The following A1BG variants were observed in gnomAD, a reference collection of about 807,000 sequenced individuals.
A1BG encodes the protein alpha-1-B glycoprotein.
Under a neutral mutation model 46.0 loss-of-function variants are expected in A1BG, and 44 were observed. The ratio of observed to expected loss-of-function variants is 0.96; its 90% CI spans 0.75 to 1.23. A1BG has a LOEUF of 1.23. Ranked by LOEUF, A1BG falls within the 50% of genes most tolerant of loss-of-function variation. The probability of loss-of-function intolerance (pLI) is 0.00; values close to 1 mark genes in which losing one functional copy is unlikely to be tolerated. For synonymous variants in A1BG, 316 were observed against 314.7 expected (o/e 1.00, Z -0.04); for missense variants, 707 against 688.8 (o/e 1.03, Z -0.30).
chr19:58,350,006 C>T (rs1315996867), intron 6 of A1BG: 5 of 217,686 alleles, frequency 2.3e-5, no homozygotes, highest in Admixed American at 1.7e-4. Context: ...ACACATCAGC[C>T]GTGCGCCTGC....
At chr19:58,350,859 T>G (rs932998486) in intron 5 of A1BG, 14 of 479,840 alleles carry the variant, frequency 2.9e-5, no homozygotes, top group Admixed American at 7.9e-5. Context: ...TCTTAGTAAT[T>G]TGTTTGTCTA....
In A1BG at chr19:58,345,241, C is replaced by CTA. The variant is rs745650668; in HGVS notation, c.*1779_*1780dup. Reference sequence around the variant, plus strand: ...ATAAACAGACATTTCATCAAAGATGCTATATAGATGGCAACTAAGCACTTG... The same window carrying CTA: ...ATAAACAGACATTTCATCAAAGATGCTATATATAGATGGCAACTAAGCACTTG... On this transcript the variant is annotated 3_prime_UTR_variant, in exon 8 of 8. Transcript: ENST00000263100. 7.2e-5 allele frequency: 11 copies of CTA among 152,186 alleles called. No homozygotes were observed. The highest frequency in any genetic ancestry group is 1.3e-4 in the Non-Finnish European group (9 of 68,056). The allele number at this position is 152,186 out of a possible 1,614,324, so 9.4% of individuals were successfully genotyped here. A position where few individuals can be genotyped will look rare whatever the true frequency, so the allele number is the denominator to read the frequency against.
In A1BG at chr19:58,353,250, C is replaced by T. The variant is rs550396567; in HGVS notation, c.70+42G>A. The T allele has an allele frequency of 1.4e-4, 223 of 1,613,754 alleles. 2 individuals are homozygous for T. Among genetic ancestry groups the T allele is most frequent in the South Asian group, 1.3e-3 (115 of 91,030 alleles). ...GTGCCACAGAGACAGGGCTCCCCCC[C>T]GGCCTGGGCCCACCATTCCCAGACC... On this transcript the variant is annotated intron_variant, in intron 2 of 7. Coordinates refer to ENST00000263100, the MANE Select transcript of A1BG (RefSeq NM_130786.4).
At chr19:58,353,372 G>A (rs771770537) in intron 1 of A1BG, 32 bp downstream of exon 1, 22 of 833,142 alleles carry the variant, frequency 2.6e-5, no homozygotes, top group East Asian at 7.6e-5. Flanking sequence ...GCCCCCTCCC[G>A]CCCCAGGGAC....
rs1226336684 is a variant in A1BG at position 58,352,291 on chromosome 19, T to C, written c.605A>G (p.Glu202Gly). The change falls in exon 4 of 8, where the codon GAG (glutamate) becomes GGG (glycine). Residue 202 changes from glutamate to glycine, a missense_variant. Coordinates refer to ENST00000263100, the MANE Select transcript of A1BG (RefSeq NM_130786.4). ...ATGGTTCCCACAGTCACCGAGCTCC[T>C]CAATGGTCACAGTAGCGCTGGGCTC... ...LSEPSATVTI[E>G]ELAAPPPPVL... is the part of the protein sequence containing the mutation. The C allele has an allele frequency of 3.7e-6, 6 of 1,613,574 alleles. No homozygotes were observed. Among genetic ancestry groups the C allele is most frequent in the Non-Finnish European group, 5.1e-6 (6 of 1,179,940 alleles).
Position 58,346,545 on chromosome 19 carries a change from G to A in A1BG, c.*477C>T, listed in dbSNP as rs1004001857. The A allele has an allele frequency of 6.1e-5, 15 of 245,670 alleles. No individual in the cohort carries two copies. Among genetic ancestry groups the A allele is most frequent in the South Asian group, 6.0e-4 (14 of 23,288 alleles). 15.2% of individuals were successfully genotyped at this position (245,670 alleles called of 1,614,324 possible). A position where few individuals can be genotyped will look rare whatever the true frequency, so the allele number is the denominator to read the frequency against. ...TCAAGACAAGCTTGGGCAACACAGT[G>A]AGACCCTGTCTACAAAAAATAATAA... On this transcript the variant is annotated 3_prime_UTR_variant, in exon 8 of 8. Coordinates refer to ENST00000263100, the MANE Select transcript of A1BG (RefSeq NM_130786.4).
chr19:58,345,530 T>C lies in A1BG; in HGVS notation c.*1492A>G, dbSNP rs2051909082. 1 of 151,964 alleles carries C rather than the reference T, an allele frequency of 6.6e-6. No homozygotes were observed. The highest frequency in any genetic ancestry group is 1.9e-4 in the East Asian group (1 of 5,174). The allele number at this position is 151,964 out of a possible 1,614,324, so 9.4% of individuals were successfully genotyped here. A position where few individuals can be genotyped will look rare whatever the true frequency, so the allele number is the denominator to read the frequency against. ...TAAAAACATAAAAATTAGCTGGGTGTGGTGGTGGGTGCCTGTCAGCCCAGC... is the reference window on the plus strand; with the variant it reads ...TAAAAACATAAAAATTAGCTGGGTGCGGTGGTGGGTGCCTGTCAGCCCAGC... On this transcript the variant is annotated 3_prime_UTR_variant, in exon 8 of 8. Coordinates refer to ENST00000263100, the MANE Select transcript of A1BG (RefSeq NM_130786.4).
intron 5 of A1BG, chr19:58,350,926 G>C (rs1284175461): frequency 2.3e-6 from 1 of 433,696 alleles, no homozygotes; most frequent in Admixed American, 4.0e-5. Flanking sequence ...TTGATGCCTG[G>C]TGCACGATGC....
chr19:58,352,625 G>A, intron 3 of A1BG, 70 bp from the exon 4 acceptor site: 2 of 1,543,910 alleles, frequency 1.3e-6, no homozygotes, highest in Non-Finnish European at 1.7e-6. Flanking sequence ...CAGAACCTGG[G>A]CCCCACACTC....
Position 58,346,220 on chromosome 19 carries a change from G to C in A1BG, c.*802C>G, listed in dbSNP as rs1003900819. 1 of 152,792 alleles carries C rather than the reference G, an allele frequency of 6.5e-6. No homozygotes were observed. Among genetic ancestry groups the C allele is most frequent in the African/African-American group, 2.4e-5 (1 of 41,444 alleles). The allele number at this position is 152,792 out of a possible 1,614,324, so 9.5% of individuals were successfully genotyped here. Reference sequence around the variant, plus strand: ...TGCCCATACCTGCTGGGACCAGGCCGAGGTGCCCAGGGAGTAAGAGGCAGC... The same window carrying C: ...TGCCCATACCTGCTGGGACCAGGCCCAGGTGCCCAGGGAGTAAGAGGCAGC... On this transcript the variant is annotated 3_prime_UTR_variant, in exon 8 of 8. Coordinates refer to ENST00000263100, the MANE Select transcript of A1BG (RefSeq NM_130786.4).
chr19:58,351,293 T>A, intron 5 of A1BG, 98 bp downstream of exon 5: 1 of 1,472,972 alleles, frequency 6.8e-7, no homozygotes, highest in Non-Finnish European at 9.2e-7. Flanking sequence ...TATTGGACCC[T>A]GGCCCAGAGC....
chr19:58,353,201 C>T lies in A1BG; in HGVS notation c.71-4G>A. On this transcript the variant is annotated splice_polypyrimidine_tract_variant and splice_region_variant and intron_variant, in intron 2 of 7. Transcript: ENST00000263100. ...AGGCTGGGCTGCGTCTCATAAACTG[C>T]AAGGGGTGGCTGGGATCAGCTCAGT... is the stretch of plus-strand genomic sequence containing the variant. 6.2e-7 allele frequency: 1 copy of T among 1,613,540 alleles called. No individual in the cohort carries two copies. Among genetic ancestry groups the T allele is most frequent in the Non-Finnish European group, 8.5e-7 (1 of 1,179,590 alleles).
Position 58,353,421 on chromosome 19 carries a change from A to C in A1BG, c.17T>G (p.Val6Gly), listed in dbSNP as rs750454216. MSMLV[V>G]FLLLWGVTWG... Reference sequence around the variant, plus strand: ...GGCCTCACCCCACAGCAAGAGAAAGACCACGAGCATGGACATGATGGTCGC... The same window carrying C: ...GGCCTCACCCCACAGCAAGAGAAAGCCCACGAGCATGGACATGATGGTCGC... Residue 6 changes from valine to glycine, a missense_variant, in exon 1 of 8, where the codon GTC becomes GGC. Physicochemically the swap from Val to Gly is moderately radical, Grantham distance 109 (BLOSUM62 -3). Coordinates refer to ENST00000263100, the MANE Select transcript of A1BG (RefSeq NM_130786.4). 6.2e-7 allele frequency: 1 copy of C among 1,612,590 alleles called. No homozygotes were observed. Among genetic ancestry groups the C allele is most frequent in the Non-Finnish European group, 8.5e-7 (1 of 1,179,420 alleles).
In A1BG at chr19:58,350,421, G is replaced by T; in HGVS notation, c.1141C>A (p.Pro381Thr). ...NYSCVYVDLKPPFGGSAPSER... is the reference protein window; with the variant it reads ...NYSCVYVDLKTPFGGSAPSER... ...CTGGGCGCGGAGCCCCCGAAAGGCG[G>T]CTTCAGGTCCACGTAGACGCAGCTG... The change falls in exon 6 of 8, where the codon CCG becomes ACG. Residue 381 changes from proline to threonine, a missense_variant. By Grantham distance (38) the Pro-to-Thr change is conservative. Coordinates refer to ENST00000263100, the MANE Select transcript of A1BG (RefSeq NM_130786.4). 1 of 1,550,652 alleles carries T rather than the reference G, an allele frequency of 6.4e-7. No homozygotes were observed. Among genetic ancestry groups the T allele is most frequent in the East Asian group, 2.4e-5 (1 of 40,958 alleles).
At chr19:58,352,771 A>G (rs1600506706) in intron 3 of A1BG, 157 bp downstream of exon 3, 2 of 1,249,372 alleles carry the variant, frequency 1.6e-6, no homozygotes, top group Non-Finnish European at 2.2e-6. Context: ...TGGGGACACA[A>G]CCATGTATTC....
intron 4 of A1BG, chr19:58,352,065 A>G (rs577050749): frequency 1.4e-6 from 2 of 1,423,762 alleles, no homozygotes; most frequent in East Asian, 5.0e-5. Flanking sequence ...AAGTGCTGGG[A>G]TTATAGGCGT....
In A1BG at chr19:58,350,564, C is replaced by G. The variant is rs1568553352; in HGVS notation, c.998G>C (p.Arg333Pro). ...CCTGTCCTCGCGCACCAGGGCGAAG[C>G]GCGCGCCCTCCAGGGGCGCCAGGCA... ...LRCLAPLEGA[R>P]FALVREDRGG... Residue 333 changes from arginine to proline, a missense_variant, in exon 6 of 8, where the codon CGC (arginine) becomes CCC (proline). Coordinates refer to ENST00000263100, the MANE Select transcript of A1BG (RefSeq NM_130786.4). 6.5e-7 allele frequency: 1 copy of G among 1,542,342 alleles called. No individual in the cohort carries two copies. The highest frequency in any genetic ancestry group is 2.0e-5 in the Admixed American group (1 of 50,638).
In A1BG at chr19:58,347,549, G is replaced by C. The variant is rs747174184; in HGVS notation, c.1284C>G (p.Pro428=). ...CGCGCAGCAGCTCGAAGGTGACGTC[G>C]GGGATGGGTCCCTCGCAGCGCAGGA... ...DAVLRCEGPI[P]DVTFELLREG... The change falls in exon 7 of 8, where the codon CCC becomes CCG. Residue 428 remains proline (P), a synonymous_variant. Transcript: ENST00000263100. 8 of 1,567,716 alleles carry C rather than the reference G, an allele frequency of 5.1e-6. No homozygotes were observed. Among genetic ancestry groups the C allele is most frequent in the East Asian group, 2.3e-5 (1 of 43,140 alleles).
Position 58,347,533 on chromosome 19 carries a change from G to C in A1BG, c.1300C>G (p.Leu434Val), listed in dbSNP as rs754557762. 2.5e-6 allele frequency: 4 copies of C among 1,576,610 alleles called. No homozygotes were observed. The highest frequency in any genetic ancestry group is 1.8e-5 in the Admixed American group (1 of 56,722). The change falls in exon 7 of 8, where the codon CTG (leucine) becomes GTG (valine). Residue 434 changes from leucine to valine, a missense_variant. Physicochemically the swap from Leu to Val is conservative, Grantham distance 32. Coordinates refer to ENST00000263100, the MANE Select transcript of A1BG (RefSeq NM_130786.4). ...GCCTTCGTCTCGCCCTCGCGCAGCAGCTCGAAGGTGACGTCGGGGATGGGT... is the reference window on the plus strand; with the variant it reads ...GCCTTCGTCTCGCCCTCGCGCAGCACCTCGAAGGTGACGTCGGGGATGGGT... The part of the protein sequence containing the change: ...EGPIPDVTFE[L>V]LREGETKAVK...
Sources: gnomAD v4.1 joint callset for allele counts on GRCh38, gnomAD v4.1.1 for gene constraint, MANE v1.5 for transcripts, NCBI Gene and HGNC (gene_info 2026-07-23, HGNC 2026-07-21) for gene names.